MYO1B: variants seen among roughly 807,000 people sequenced by gnomAD.
MYO1B encodes the protein myosin IB.
In MYO1B, 72 loss-of-function variants were observed where a neutral mutation model predicts 159.7. The ratio of observed to expected loss-of-function variants is 0.45; its 90% CI spans 0.37 to 0.55. MYO1B has a LOEUF of 0.55. Ranked by LOEUF, MYO1B falls within the 20% of genes least tolerant of loss-of-function variation. The pLI, the probability that MYO1B is intolerant of heterozygous loss-of-function variation, is 0.00. For synonymous variants in MYO1B, 468 were observed against 473.8 expected (o/e 0.99, Z 0.16); for missense variants, 1,062 against 1,364.8 (o/e 0.78, Z 3.50).
At chr2:191,252,344 G>T (rs928249360) in intron 1 of MYO1B, among the ~76,000 whole-genome samples, 1 of 152,180 alleles carries the variant, frequency 6.6e-6, no homozygotes, top group Non-Finnish European at 1.5e-5. Context: ...GTAGTACTCT[G>T]CAGGTATTCT....
At chr2:191,328,777 A>G (rs1691269873) in intron 3 of MYO1B, among the ~76,000 whole-genome samples, 1 of 151,852 alleles carries the variant, frequency 6.6e-6, no homozygotes, top group Admixed American at 6.6e-5. Context: ...CACCTCCATG[A>G]TGTTTTGGCC....
chr2:191,358,604 C>G (rs145637404), intron 7 of MYO1B, among the ~76,000 whole-genome samples: 39 of 152,244 alleles, frequency 2.6e-4, no homozygotes, highest in Non-Finnish European at 4.0e-4. Flanking sequence ...GTTGCTGTTG[C>G]ACAGTGTAGT....
In MYO1B at chr2:191,393,267, T is replaced by C. The variant is rs6717086; in HGVS notation, c.2226+45T>C. The C allele has an allele frequency of 8.4e-4, 1,345 of 1,600,788 alleles. 11 individuals carry two copies. The African/African-American group carries it at 0.015, about 18-fold the overall frequency. ...TAAATCAGTAATAACAATGCTAATT[T>C]GCCAACATTTATTATGTACTTACCA... On this transcript the variant is annotated intron_variant, in intron 20 of 30. Transcript: ENST00000392318.
At chr2:191,369,303 G>T (rs1356801478) in intron 11 of MYO1B, among the ~76,000 whole-genome samples, 1 of 152,108 alleles carries the variant, frequency 6.6e-6, no homozygotes, top group Non-Finnish European at 1.5e-5. Context: ...TATCTTTGTG[G>T]TGAAAGTTTT....
At chr2:191,412,724 A>G (rs948152519) in intron 27 of MYO1B, among the ~76,000 whole-genome samples, 34 of 152,236 alleles carry the variant, frequency 2.2e-4, no homozygotes, top group Non-Finnish European at 5.9e-5. Context: ...TTGAAGCAGC[A>G]GTTTTTCCTT....
intron 14 of MYO1B, among the ~76,000 whole-genome samples, 175 bp from the exon 15 acceptor site, chr2:191,383,105 A>G (rs999754392): frequency 5.9e-5 from 9 of 152,152 alleles, no homozygotes; most frequent in Non-Finnish European, 1.0e-4. Context: ...AGTGGTAGGC[A>G]GCTGCATTGA....
chr2:191,247,911 G>A (rs1685882771), intron 1 of MYO1B: 1 of 984,306 alleles, frequency 1.0e-6, no homozygotes, highest in Non-Finnish European at 1.2e-6. Context: ...TCATCACTTT[G>A]TCAAGCCTGG....
chr2:191,379,703 A>ATGCCGATTGT (rs1374900241), intron 13 of MYO1B, among the ~76,000 whole-genome samples: 22 of 152,196 alleles, frequency 1.4e-4, no homozygotes. Flanking sequence ...AAAAAAAGTC[A>ATGCCGATTGT]AAGATCTGCT....
At position 191,307,292 on chromosome 2, in the gene MYO1B, G is replaced by C. The variant is rs143957406; in HGVS notation, c.251+11066G>C. ...AACATTGCCATGGCATTTGTAAACT[G>C]TCCTGGCGCTGCTGGTAGTGTCTTC... On this transcript the variant is annotated intron_variant, in intron 3 of 30. Coordinates refer to ENST00000392318, the MANE Select transcript of MYO1B (RefSeq NM_001130158.3). 8.8e-4 allele frequency among the ~76,000 whole-genome samples: 134 copies of C among 151,842 alleles called. 1 individual carries two copies. The highest frequency in any genetic ancestry group is 3.4e-3 in the Middle Eastern group (1 of 294).
intron 2 of MYO1B, among the ~76,000 whole-genome samples, chr2:191,284,181 G>A (rs905253239): frequency 9.9e-5 from 15 of 152,202 alleles, no homozygotes; most frequent in African/African-American, 1.4e-4. Context: ...GGAAGAGGAA[G>A]CAGTTCGGCA....
intron 3 of MYO1B, among the ~76,000 whole-genome samples, chr2:191,305,395 G>A (rs77842978): frequency 6.6e-6 from 1 of 152,196 alleles, no homozygotes; most frequent in Non-Finnish European, 1.5e-5. Context: ...GTGAGACTGC[G>A]GAACTGAGGG....
intron 1 of MYO1B, among the ~76,000 whole-genome samples, chr2:191,260,254 C>CTTTTGTTTTTTTTTTTTTTTTTTTT (rs1686719315): frequency 1.6e-5 from 1 of 60,962 alleles, no homozygotes. Flanking sequence ...CCCAGATAGG[C>CTTTTGTTTTTTTTTTTTTTTTTTTT]TTTTTTTTTT....
intron 1 of MYO1B, among the ~76,000 whole-genome samples, chr2:191,260,253 G>GTTTTTTTT (rs1256549425): frequency 4.4e-5 from 1 of 22,616 alleles, no homozygotes; most frequent in African/African-American, 5.0e-5. Context: ...TCCCAGATAG[G>GTTTTTTTT]CTTTTTTTTT....
intron 1 of MYO1B, among the ~76,000 whole-genome samples, chr2:191,275,270 G>T (rs954256257): frequency 2.0e-5 from 3 of 152,092 alleles, no homozygotes; most frequent in Non-Finnish European, 2.9e-5. Flanking sequence ...TAACAAAAAA[G>T]TTACTCTATT....
At chr2:191,271,044 G>A (rs1687425592) in intron 1 of MYO1B, among the ~76,000 whole-genome samples, 1 of 152,158 alleles carries the variant, frequency 6.6e-6, no homozygotes, top group Non-Finnish European at 1.5e-5. Context: ...GCTACCATGT[G>A]CAAGAGGCTG....
chr2:191,354,254 TTAAATAATAA>T (rs536101684), intron 7 of MYO1B, among the ~76,000 whole-genome samples: 113 of 115,530 alleles, frequency 9.8e-4, no homozygotes, highest in Middle Eastern at 4.5e-3. Context: ...AGACTCCGTC[TTAAATAATAA>T]TAATAATAAT....
At chr2:191,338,182 AT>A (rs201784854) in intron 4 of MYO1B, among the ~76,000 whole-genome samples, 16 of 150,076 alleles carry the variant, frequency 1.1e-4, no homozygotes, top group Admixed American at 2.0e-4. Context: ...AAATAGTGTG[AT>A]TTTTTTTTTT....
At chr2:191,293,995 A>G (rs1446700223) in intron 2 of MYO1B, among the ~76,000 whole-genome samples, 1 of 152,180 alleles carries the variant, frequency 6.6e-6, no homozygotes, top group African/African-American at 2.4e-5. Flanking sequence ...TGTACCCTCC[A>G]ATTAGTGATG....
At chr2:191,249,404 T>C (rs1344985787) in intron 1 of MYO1B, among the ~76,000 whole-genome samples, 1 of 152,240 alleles carries the variant, frequency 6.6e-6, no homozygotes, top group African/African-American at 2.4e-5. Context: ...TACAGTATCC[T>C]CTGAGATCAT....
Sources: gnomAD v4.1 joint callset for allele counts (sites outside exome capture counted in the v4.1 genomes callset) on GRCh38, gnomAD v4.1.1 for gene constraint, MANE v1.5 for transcripts, NCBI Gene and HGNC (gene_info 2026-07-23, HGNC 2026-07-21) for gene names.